The following RYR3 variants were observed in gnomAD, a reference collection of about 807,000 sequenced individuals.
RYR3 encodes the protein ryanodine receptor 3.
RYR3 carries 207 observed loss-of-function variants against 584.3 expected under a neutral mutation model. That is an observed-to-expected ratio of 0.35 (90% CI 0.32 to 0.40). The LOEUF is 0.40. RYR3 is among the 10% of genes least tolerant of loss of function. RYR3 has a pLI of 1.00. For missense variants in RYR3, 5,616 were observed against 6,089.2 expected (o/e 0.92, Z 2.59); for synonymous variants, 2,416 against 2,248.5 (o/e 1.07, Z -2.11).
At chr15:33,489,465 T>G (rs1416796913) in intron 2 of RYR3, among the ~76,000 whole-genome samples, 2 of 152,256 alleles carry the variant, frequency 1.3e-5, no homozygotes, top group African/African-American at 4.8e-5. Flanking sequence ...AGTATTTGAT[T>G]TGCTTTTCCT....
At chr15:33,857,497 G>A (rs1267987065) in intron 98 of RYR3, among the ~76,000 whole-genome samples, 1 of 152,034 alleles carries the variant, frequency 6.6e-6, no homozygotes, top group African/African-American at 2.4e-5. Flanking sequence ...CTGAGGTACT[G>A]GAGGCCAGGA....
chr15:33,660,382 G>C lies in RYR3; in HGVS notation c.4581G>C (p.Glu1527Asp). The C allele has an allele frequency of 6.3e-7, 1 of 1,583,672 alleles. No individual in the cohort carries two copies. The highest frequency in any genetic ancestry group is 8.6e-7 in the Non-Finnish European group (1 of 1,165,178). The change falls in exon 34 of 104, where the codon GAG (glutamate) becomes GAC (aspartate). Residue 1527 changes from glutamate (E) to aspartate (D), a missense_variant. Around this residue, in one of 9 missense-constraint regions of RYR3, gnomAD observed 753 missense variants for 741.0 expected, o/e 1.02. Coordinates refer to ENST00000634891, the MANE Select transcript of RYR3 (RefSeq NM_001036.6). Reference sequence around the variant, plus strand: ...ACGGCTGGGTGGTGCAGTGCCTGGAGCCCCTGCAGATGATGGCGCTCCACA... The same window carrying C: ...ACGGCTGGGTGGTGCAGTGCCTGGACCCCCTGCAGATGATGGCGCTCCACA... ...ERHGWVVQCL[E>D]PLQMMALHIP...
chr15:33,539,608 T>G, intron 6 of RYR3, 146 bp downstream of exon 6: 1 of 483,562 alleles, frequency 2.1e-6, no homozygotes, highest in Non-Finnish European at 3.7e-6. Context: ...ATGTAGGGGT[T>G]AGGGATGCTG....
chr15:33,636,105 G>A (rs899516338), intron 26 of RYR3, among the ~76,000 whole-genome samples: 7 of 152,174 alleles, frequency 4.6e-5, no homozygotes, highest in African/African-American at 1.7e-4. Context: ...TCACTATGCA[G>A]CTAGTATGTC....
chr15:33,321,201 T>C (rs1595706383), intron 1 of RYR3, among the ~76,000 whole-genome samples: 1 of 152,224 alleles, frequency 6.6e-6, no homozygotes, highest in South Asian at 2.1e-4. Context: ...ACTTATGTCT[T>C]AAGTGTAGAA....
intron 39 of RYR3, 84 bp from the exon 40 acceptor site, chr15:33,697,798 C>T (rs992348300): frequency 1.2e-6 from 1 of 810,308 alleles, no homozygotes; most frequent in East Asian, 2.5e-5. Context: ...TTTGCCCTCT[C>T]GTGTGTTTGT....
chr15:33,707,137 T>C, intron 43 of RYR3, 83 bp downstream of exon 43: 3 of 1,489,724 alleles, frequency 2.0e-6, no homozygotes, highest in Non-Finnish European at 2.8e-6. Context: ...ATCCTTTCCA[T>C]TGCTTCTTAT....
chr15:33,601,339 C>G, intron 16 of RYR3, 80 bp from the exon 17 acceptor site: 31 of 1,436,492 alleles, frequency 2.2e-5, no homozygotes, highest in Non-Finnish European at 2.8e-5. Context: ...TTATGGACTC[C>G]TTCCCTCATG....
intron 78 of RYR3, among the ~76,000 whole-genome samples, chr15:33,821,043 C>T (rs113338959): frequency 0.023 from 3,479 of 151,084 alleles, 147 homozygotes; most frequent in African/African-American, 0.08. Flanking sequence ...ACTGTGTGTT[C>T]TATCAGTACA....
chr15:33,694,327 C>T (rs1409063440), intron 38 of RYR3, among the ~76,000 whole-genome samples: 1 of 151,682 alleles, frequency 6.6e-6, no homozygotes, highest in Non-Finnish European at 1.5e-5. Flanking sequence ...TCACTGCAAG[C>T]TCCGCCTCCC....
At chr15:33,484,222 A>C (rs973038848) in intron 2 of RYR3, among the ~76,000 whole-genome samples, 2 of 152,158 alleles carry the variant, frequency 1.3e-5, no homozygotes, top group African/African-American at 4.8e-5. Flanking sequence ...AAGTCTTATA[A>C]AGAAAAAGTT....
Position 33,820,823 on chromosome 15 carries a change from A to G in RYR3, c.10815+11A>G, listed in dbSNP as rs774312183. On this transcript the variant is annotated intron_variant, in intron 78 of 103. Transcript: ENST00000634891. ...GAAAAAACATTCGAAGTAAGTTCTC[A>G]TGAAGAATAAAAATAGAGCCACCCT... 2 of 1,522,862 alleles carry G rather than the reference A, an allele frequency of 1.3e-6. No individual in the cohort carries two copies. The highest frequency in any genetic ancestry group is 1.8e-6 in the Non-Finnish European group (2 of 1,138,062). The allele number at this position is 1,522,862 out of a possible 1,614,324, so 94.3% of individuals were successfully genotyped here.
chr15:33,323,637 G>A (rs922538201), intron 1 of RYR3, among the ~76,000 whole-genome samples: 3 of 152,150 alleles, frequency 2.0e-5, no homozygotes, highest in Admixed American at 6.5e-5. Flanking sequence ...TCCCACCTGC[G>A]CCCTGGAAGC....
At chr15:33,464,444 G>A (rs904838325) in intron 1 of RYR3, among the ~76,000 whole-genome samples, 1 of 130,858 alleles carries the variant, frequency 7.6e-6, no homozygotes, top group African/African-American at 2.9e-5. Flanking sequence ...TTACAGAAGA[G>A]AGACTGTAGG....
rs140919535 is a variant in RYR3, at chr15:33,666,901, G to A, written c.5620-2453G>A. Among the ~76,000 whole-genome samples, 16 of 152,280 alleles carry A rather than the reference G, an allele frequency of 1.1e-4. 1 individual carries two copies. The East Asian group carries it at 2.1e-3, about 20-fold the overall frequency. Reference sequence around the variant, plus strand: ...GCAAGGAAGCCCCTGCTTCCTAAATGTTCTGCCAAAGGAAAGATCTTTTAG... The same window carrying A: ...GCAAGGAAGCCCCTGCTTCCTAAATATTCTGCCAAAGGAAAGATCTTTTAG... On this transcript the variant is annotated intron_variant, in intron 36 of 103. Coordinates refer to ENST00000634891, the MANE Select transcript of RYR3 (RefSeq NM_001036.6).
At chr15:33,758,629 AAGG>A (rs1354444714) in intron 60 of RYR3, among the ~76,000 whole-genome samples, 2 of 152,216 alleles carry the variant, frequency 1.3e-5, no homozygotes, top group African/African-American at 4.8e-5. Flanking sequence ...CTCTGAAAGA[AAGG>A]AGGCAGCCCC....
At chr15:33,626,638 G>T (rs2061004619) in intron 20 of RYR3, among the ~76,000 whole-genome samples, 1 of 152,158 alleles carries the variant, frequency 6.6e-6, no homozygotes, top group Non-Finnish European at 1.5e-5. Flanking sequence ...AGGAAAAAAT[G>T]ATTTTCTGGG....
intron 16 of RYR3, among the ~76,000 whole-genome samples, chr15:33,600,912 T>A (rs914189801): frequency 2.0e-5 from 3 of 152,184 alleles, no homozygotes; most frequent in African/African-American, 7.2e-5. Flanking sequence ...CCTCCGCTAA[T>A]ACTCAGTGCC....
At chr15:33,344,679 T>A (rs1972227951) in intron 1 of RYR3, among the ~76,000 whole-genome samples, 1 of 152,134 alleles carries the variant, frequency 6.6e-6, no homozygotes. Context: ...AAACCCCTGA[T>A]GAGTATAATA....
Sources: gnomAD v4.1 joint callset for allele counts (sites outside exome capture counted in the v4.1 genomes callset) on GRCh38, gnomAD v4.1.1 for gene constraint, gnomAD v4.1.1 regional missense constraint, MANE v1.5 for transcripts, NCBI Gene and HGNC (gene_info 2026-07-23, HGNC 2026-07-21) for gene names.